FOXN4: variants seen among roughly 807,000 people sequenced by gnomAD.
The protein encoded by FOXN4 is forkhead box N4, also known as forkhead box protein N4.
Under a neutral mutation model 45.0 loss-of-function variants are expected in FOXN4, and 12 were observed. The ratio of observed to expected loss-of-function variants is 0.27; its 90% CI spans 0.17 to 0.43. The LOEUF (loss-of-function observed/expected upper bound fraction) is 0.43, where lower values mean the gene tolerates loss of function less well. Among genes scored for constraint, FOXN4 ranks in the 20% least tolerant of loss-of-function variants. FOXN4 has a pLI of 1.00. For missense variants in FOXN4, 560 were observed against 694.9 expected (o/e 0.81, Z 2.18); for synonymous variants, 297 against 295.0 (o/e 1.01, Z -0.07).
chr12:109,296,862 T>C (rs1308578995), intron 2 of FOXN4, among the ~76,000 whole-genome samples: 4 of 152,148 alleles, frequency 2.6e-5, no homozygotes, highest in African/African-American at 9.7e-5. Context: ...TGGCATGGGG[T>C]GGACAAGCCC....
In FOXN4 at chr12:109,304,276, AAAGAAAGAAAGAAAGAAAG is replaced by A. The variant is rs1566005637; in HGVS notation, c.86+3941_86+3959del. 4.8e-4 allele frequency among the ~76,000 whole-genome samples: 36 copies of A among 74,262 alleles called. 2 individuals carry two copies. Among genetic ancestry groups the A allele is most frequent in the African/African-American group, 1.7e-3 (31 of 18,034 alleles). The allele number at this position is 74,262 out of a possible 152,430, so 48.7% of individuals were successfully genotyped here. A position where few individuals can be genotyped will look rare whatever the true frequency, so the allele number is the denominator to read the frequency against. On this transcript the variant is annotated intron_variant, in intron 2 of 9. Transcript: ENST00000299162. ...GAAAGAAAGAAAGAAAGAAAGAAAG[AAAGAAAGAAAGAAAGAAAG>A]GAGAAAGAAAGAAGGAAAGAAGGAA...
Position 109,278,565 on chromosome 12 carries a change from C to T in FOXN4, c.*1106G>A, listed in dbSNP as rs1001792540. On this transcript the variant is annotated 3_prime_UTR_variant, in exon 10 of 10. Coordinates refer to ENST00000299162, the MANE Select transcript of FOXN4 (RefSeq NM_213596.3). ...AAATATCATGCGTTGAAGTTTTGTC[C>T]ACCACTTGCCACGTGGTTCGAGCTT... 6.6e-6 allele frequency: 1 copy of T among 152,244 alleles called. No homozygotes were observed. The highest frequency in any genetic ancestry group is 1.9e-4 in the East Asian group (1 of 5,178). 9.4% of individuals were successfully genotyped at this position (152,244 alleles called of 1,614,324 possible).
At chr12:109,296,095 C>T (rs1354596791) in intron 2 of FOXN4, among the ~76,000 whole-genome samples, 6 of 152,214 alleles carry the variant, frequency 3.9e-5, no homozygotes, top group African/African-American at 7.2e-5. Flanking sequence ...CTCCCATGGA[C>T]CTGTCTCCAC....
In FOXN4 at chr12:109,290,380, C is replaced by T; in HGVS notation, c.87-94G>A. On this transcript the variant is annotated intron_variant, in intron 2 of 9. Transcript: ENST00000299162. The surrounding 1 kb of genome is among the most constrained non-coding windows in gnomAD (Gnocchi z 5.1). ...CCTCTGGAAGCACCCGCTTAATGTG[C>T]CTCATCTCCCCAAGCCACGCCAGCC... The T allele has an allele frequency of 1.4e-6, 2 of 1,410,968 alleles. No homozygotes were observed. Among genetic ancestry groups the T allele is most frequent in the African/African-American group, 2.9e-5 (2 of 69,036 alleles). 87.4% of individuals were successfully genotyped at this position (1,410,968 alleles called of 1,614,324 possible).
chr12:109,285,031 G>A (rs2047692507), intron 8 of FOXN4, among the ~76,000 whole-genome samples: 1 of 147,912 alleles, frequency 6.8e-6, no homozygotes, highest in Non-Finnish European at 1.5e-5. Context: ...GCACAGGTGT[G>A]TGAGTGCATT....
chr12:109,307,986 T>C (rs976565099), intron 2 of FOXN4, among the ~76,000 whole-genome samples: 3 of 152,036 alleles, frequency 2.0e-5, no homozygotes, highest in Non-Finnish European at 4.4e-5. Context: ...CCAAACAGTA[T>C]CAAATGCAGA....
chr12:109,297,042 GCT>G lies in FOXN4; in HGVS notation c.87-6758_87-6757del, dbSNP rs1566003242. Among the ~76,000 whole-genome samples, 5 of 152,230 alleles carry G rather than the reference GCT, an allele frequency of 3.3e-5. No individual in the cohort carries two copies. In the East Asian group the frequency reaches 9.6e-4, roughly 29 times the overall value. ...CTGTCTAGGGTCACCCAGCCAGGGA[GCT>G]GTGGAACCAGGAGATCCACCTCCAG... On this transcript the variant is annotated intron_variant, in intron 2 of 9. Coordinates refer to ENST00000299162, the MANE Select transcript of FOXN4 (RefSeq NM_213596.3).
chr12:109,282,959 T>C (rs2047667131), intron 8 of FOXN4, among the ~76,000 whole-genome samples: 1 of 147,730 alleles, frequency 6.8e-6, no homozygotes, highest in African/African-American at 2.5e-5. Context: ...GGGCGCGATG[T>C]CATACCCCCT....
At chr12:109,308,600 C>A (rs1593792750) in intron 1 of FOXN4, among the ~76,000 whole-genome samples, 1 of 152,112 alleles carries the variant, frequency 6.6e-6, no homozygotes, top group East Asian at 1.9e-4. Context: ...GCTCTAGAAT[C>A]CAAATGTCAA....
rs190499809 is a variant in FOXN4, at chr12:109,286,906, C to T, written c.597-162G>A. Reference sequence around the variant, plus strand: ...GAGCTCTCAATATCTTTTCATGGCCCGATGTCTTTCCCACCCTTTGCCCTT... The same window carrying T: ...GAGCTCTCAATATCTTTTCATGGCCTGATGTCTTTCCCACCCTTTGCCCTT... On this transcript the variant is annotated intron_variant, in intron 6 of 9. Transcript: ENST00000299162. The T allele has an allele frequency of 2.0e-4, 285 of 1,426,084 alleles. No individual in the cohort carries two copies. In the African/African-American group the frequency reaches 3.7e-3, roughly 18 times the overall value. 88.3% of individuals were successfully genotyped at this position (1,426,084 alleles called of 1,614,324 possible). A position where few individuals can be genotyped will look rare whatever the true frequency, so the allele number is the denominator to read the frequency against.
Position 109,290,092 on chromosome 12 carries a change from C to T in FOXN4, c.232+49G>A, listed in dbSNP as rs2047751711. On this transcript the variant is annotated intron_variant, in intron 3 of 9. Coordinates refer to ENST00000299162, the MANE Select transcript of FOXN4 (RefSeq NM_213596.3). The surrounding 1 kb of genome is among the most constrained non-coding windows in gnomAD (Gnocchi z 5.1). The stretch of plus-strand genomic sequence containing the variant: ...GGTGGGTGGCAGGGCTGGGAATCAC[C>T]CCTCTCCTATATCACCCTCCTCCCT... 2 of 1,494,216 alleles carry T rather than the reference C, an allele frequency of 1.3e-6. No homozygotes were observed. The highest frequency in any genetic ancestry group is 2.2e-5 in the Admixed American group (1 of 45,742). The allele number at this position is 1,494,216 out of a possible 1,614,324, so 92.6% of individuals were successfully genotyped here.
intron 2 of FOXN4, among the ~76,000 whole-genome samples, chr12:109,304,292 A>AGAAAGAAAG (rs1306808407): frequency 1.5e-4 from 7 of 45,542 alleles, no homozygotes; most frequent in African/African-American, 7.6e-4. Context: ...AGAAAGAAAG[A>AGAAAGAAAG]AAGGAGAAAG....
chr12:109,287,651 G>A lies in FOXN4; in HGVS notation c.469-127C>T, dbSNP rs146102926. 945 of 1,313,214 alleles carry A rather than the reference G, an allele frequency of 7.2e-4. 6 individuals carry two copies. The African/African-American group carries it at 0.012, about 17-fold the overall frequency. The allele number at this position is 1,313,214 out of a possible 1,614,324, so 81.3% of individuals were successfully genotyped here. A position where few individuals can be genotyped will look rare whatever the true frequency, so the allele number is the denominator to read the frequency against. ...ACACCTTGTGTGGGGATTCACAACC[G>A]TCCAGGAAACAATCTTGTCTCCACT... On this transcript the variant is annotated intron_variant, in intron 5 of 9. Transcript: ENST00000299162. This position sits in a 1 kb window ranked among gnomAD's most constrained non-coding sequence, Gnocchi z 4.1.
At chr12:109,283,099 G>A (rs1289848389) in intron 8 of FOXN4, among the ~76,000 whole-genome samples, 1 of 152,088 alleles carries the variant, frequency 6.6e-6, no homozygotes, top group Non-Finnish European at 1.5e-5. Flanking sequence ...ATACTCCGAA[G>A]GCTGGGGCAC....
At chr12:109,301,793 T>C (rs554712936) in intron 2 of FOXN4, among the ~76,000 whole-genome samples, 37 of 152,378 alleles carry the variant, frequency 2.4e-4, no homozygotes, top group Admixed American at 2.0e-3. Context: ...CTATTTTGTT[T>C]AGCACCTGGC....
chr12:109,307,235 G>A (rs566642820), intron 2 of FOXN4, among the ~76,000 whole-genome samples: 1 of 152,220 alleles, frequency 6.6e-6, no homozygotes, highest in African/African-American at 2.4e-5. Context: ...GTGACCCCGG[G>A]GGGGCCAGAC....
In FOXN4 at chr12:109,291,364, C is replaced by A. The variant is rs1038522332; in HGVS notation, c.87-1078G>T. Among the ~76,000 whole-genome samples the A allele has an allele frequency of 2.6e-5, 4 of 152,090 alleles. No individual in the cohort carries two copies. The highest frequency in any genetic ancestry group is 9.7e-5 in the African/African-American group (4 of 41,426). Reference sequence around the variant, plus strand: ...TCCACCACATCTGCCACCCCTGTAGCCAGGGGCTTTCTGTGTCACCACCAA... The same window carrying A: ...TCCACCACATCTGCCACCCCTGTAGACAGGGGCTTTCTGTGTCACCACCAA... On this transcript the variant is annotated intron_variant, in intron 2 of 9. Transcript: ENST00000299162. This position sits in a 1 kb window ranked among gnomAD's most constrained non-coding sequence, Gnocchi z 6.6.
In FOXN4 at chr12:109,279,930, C is replaced by T; in HGVS notation, c.1295G>A (p.Gly432Glu). Residue 432 changes from glycine (G) to glutamate (E), a missense_variant and splice_region_variant, in exon 10 of 10, where the codon GGG becomes GAG. By Grantham distance (98) the Gly-to-Glu change is moderately conservative (BLOSUM62 -2). Around this residue, in one of 5 missense-constraint regions of FOXN4, gnomAD observed 315 missense variants for 350.5 expected, o/e 0.90. Transcript: ENST00000299162. ...ATCCTTCATCTCCTCCCACAGGTTCCCTTTCAAAGACAAAAGCATTAGGGT... is the reference window on the plus strand; with the variant it reads ...ATCCTTCATCTCCTCCCACAGGTTCTCTTTCAAAGACAAAAGCATTAGGGT... Reference protein sequence around the residue: ...DPSIMDFALQGNLWEEMKDEG... With the variant: ...DPSIMDFALQENLWEEMKDEG... The T allele has an allele frequency of 6.2e-7, 1 of 1,613,854 alleles. No homozygotes were observed. The highest frequency in any genetic ancestry group is 8.5e-7 in the Non-Finnish European group (1 of 1,179,830).
chr12:109,289,359 G>A (rs1456453080), intron 3 of FOXN4, among the ~76,000 whole-genome samples: 1 of 152,310 alleles, frequency 6.6e-6, no homozygotes, highest in Admixed American at 6.5e-5. Context: ...TGTTTTGACA[G>A]ATCAGTTGAC....
Sources: gnomAD v4.1 joint callset for allele counts (sites outside exome capture counted in the v4.1 genomes callset) on GRCh38, gnomAD v4.1.1 for gene constraint, gnomAD v4.1.1 regional missense constraint, Gnocchi (gnomAD v3.1) non-coding constraint, MANE v1.5 for transcripts, NCBI Gene and HGNC (gene_info 2026-07-23, HGNC 2026-07-21) for gene names.